The following CEP128 variants were observed in gnomAD, a reference collection of about 807,000 sequenced individuals.
The protein encoded by CEP128 is centrosomal protein 128kDa.
Under a neutral mutation model 156.7 loss-of-function variants are expected in CEP128, and 132 were observed. That is an observed-to-expected ratio of 0.84 (90% confidence interval 0.73 to 0.97). The LOEUF (loss-of-function observed/expected upper bound fraction) is 0.97. Ranked by LOEUF, CEP128 falls within the 50% of genes least tolerant of loss-of-function variation. CEP128 has a pLI of 0.00. For synonymous variants in CEP128, 469 were observed against 448.9 expected (o/e 1.04, Z -0.57); for missense variants, 1,252 against 1,281.9 (o/e 0.98, Z 0.36).
chr14:80,849,158 C>G (rs776753613), intron 9 of CEP128, among the ~76,000 whole-genome samples: 2 of 151,822 alleles, frequency 1.3e-5, no homozygotes, highest in Non-Finnish European at 2.9e-5. Context: ...AAAGGAGAGG[C>G]AAAGACATAA....
intron 23 of CEP128, among the ~76,000 whole-genome samples, chr14:80,509,975 G>C (rs1410084206): frequency 2.6e-5 from 4 of 151,950 alleles, no homozygotes; most frequent in Non-Finnish European, 4.4e-5. Flanking sequence ...CTGTTCCATT[G>C]GTCTATGTGT....
chr14:80,674,050 G>GT (rs1895964801), intron 19 of CEP128, among the ~76,000 whole-genome samples: 1 of 150,042 alleles, frequency 6.7e-6, no homozygotes, highest in Admixed American at 6.7e-5. Flanking sequence ...ATTTTTCAGA[G>GT]TTTCTTGCAT....
At chr14:80,773,362 T>G (rs1413337321) in intron 16 of CEP128, among the ~76,000 whole-genome samples, 1 of 152,180 alleles carries the variant, frequency 6.6e-6, no homozygotes, top group African/African-American at 2.4e-5. Context: ...ATATTGTATA[T>G]ATTCTTTGAT....
chr14:80,586,957 CA>C (rs1431603602), intron 19 of CEP128, among the ~76,000 whole-genome samples: 2 of 152,022 alleles, frequency 1.3e-5, no homozygotes, highest in African/African-American at 4.8e-5. Flanking sequence ...AAACAACAAT[CA>C]AATGTGTTGG....
chr14:80,877,699 G>A (rs969700624), intron 8 of CEP128, among the ~76,000 whole-genome samples: 7 of 152,140 alleles, frequency 4.6e-5, no homozygotes, highest in Admixed American at 4.6e-4. Context: ...CCCCCAGTTG[G>A]GGTCAGCCCT....
At chr14:80,715,591 A>C (rs1897574236) in intron 19 of CEP128, among the ~76,000 whole-genome samples, 1 of 152,176 alleles carries the variant, frequency 6.6e-6, no homozygotes, top group African/African-American at 2.4e-5. Context: ...GATGAGAAGG[A>C]AAAAAAGCAT....
At chr14:80,747,712 C>G (rs1047931519) in intron 18 of CEP128, among the ~76,000 whole-genome samples, 1 of 152,174 alleles carries the variant, frequency 6.6e-6, no homozygotes, top group African/African-American at 2.4e-5. Flanking sequence ...GAGGCTGAGG[C>G]AGGAGAATTG....
intron 9 of CEP128, among the ~76,000 whole-genome samples, chr14:80,849,980 G>T (rs989039835): frequency 2.0e-5 from 3 of 151,932 alleles, no homozygotes; most frequent in Non-Finnish European, 4.4e-5. Flanking sequence ...GGGAATATAT[G>T]ATTCCCGCGA....
At chr14:80,821,418 C>T (rs1885162787) in intron 13 of CEP128, among the ~76,000 whole-genome samples, 1 of 152,174 alleles carries the variant, frequency 6.6e-6, no homozygotes, top group South Asian at 2.1e-4. Context: ...ACTCAAGGAA[C>T]ATTACCGCAT....
intron 13 of CEP128, 73 bp from the exon 14 acceptor site, chr14:80,793,183 A>G (rs538801202): frequency 9.0e-7 from 1 of 1,114,374 alleles, no homozygotes; most frequent in East Asian, 2.4e-5. Context: ...TCATCAAACA[A>G]GAATCTCTAA....
chr14:80,756,983 C>A (rs775180964), intron 17 of CEP128, 32 bp from the exon 18 acceptor site: 1 of 1,382,526 alleles, frequency 7.2e-7, no homozygotes. Flanking sequence ...ATTAGAAATA[C>A]ATTTTTCTCT....
intron 23 of CEP128, among the ~76,000 whole-genome samples, chr14:80,512,097 T>C (rs1888286652): frequency 6.6e-6 from 1 of 152,060 alleles, no homozygotes; most frequent in South Asian, 2.1e-4. Context: ...ATCTGGTCTA[T>C]ACTACAGATT....
chr14:80,830,529 A>C (rs1885733925), intron 13 of CEP128: 1 of 248,772 alleles, frequency 4.0e-6, no homozygotes, highest in South Asian at 1.2e-4. Flanking sequence ...ATTTCCTTTT[A>C]TGAGGTCTTT....
At chr14:80,634,801 C>G (rs1894113502) in intron 19 of CEP128, among the ~76,000 whole-genome samples, 1 of 152,170 alleles carries the variant, frequency 6.6e-6, no homozygotes, top group African/African-American at 2.4e-5. Flanking sequence ...GTAACAAAAG[C>G]CTTCCAACAG....
At chr14:80,944,193 C>G (rs1267732972), upstream of CEP128, among the ~76,000 whole-genome samples, 1 of 151,958 alleles carries the variant, frequency 6.6e-6, no homozygotes, top group Non-Finnish European at 1.5e-5. Context: ...AACACAATAC[C>G]ATACTCAAGC....
intron 9 of CEP128, among the ~76,000 whole-genome samples, chr14:80,858,578 G>A (rs2140144867): frequency 7.3e-6 from 1 of 137,226 alleles, no homozygotes; most frequent in Non-Finnish European, 1.6e-5. Flanking sequence ...CTTCTGCACA[G>A]CAAAAGAAAC....
intron 20 of CEP128, among the ~76,000 whole-genome samples, chr14:80,568,272 TCCTC>T (rs1891000696): frequency 6.6e-6 from 1 of 152,108 alleles, no homozygotes; most frequent in Non-Finnish European, 1.5e-5. Context: ...ACAGAATCCT[TCCTC>T]CCACGCCGTG....
intron 13 of CEP128, among the ~76,000 whole-genome samples, chr14:80,827,255 A>T (rs1395305317): frequency 6.6e-6 from 1 of 152,262 alleles, no homozygotes; most frequent in Non-Finnish European, 1.5e-5. Flanking sequence ...TAAATTTTTT[A>T]CAACATATTA....
At chr14:80,836,657 T>C (rs997718837) in intron 11 of CEP128, among the ~76,000 whole-genome samples, 1 of 152,358 alleles carries the variant, frequency 6.6e-6, no homozygotes, top group Middle Eastern at 3.4e-3. Flanking sequence ...TATTTTTCAA[T>C]TTTCACCCAT....
Sources: allele counts gnomAD v4.1 joint callset (sites outside exome capture counted in the v4.1 genomes callset), GRCh38; gene constraint gnomAD v4.1.1; transcripts MANE v1.5; gene names NCBI Gene and HGNC (gene_info 2026-07-23, HGNC 2026-07-21).